BICDL1: variants seen among roughly 807,000 people sequenced by gnomAD.
BICDL1 encodes the protein BICD family-like cargo adapter 1.
Under a neutral mutation model 76.8 loss-of-function variants are expected in BICDL1, and 20 were observed. That is an observed-to-expected ratio of 0.26 (90% CI 0.18 to 0.38). BICDL1 has a LOEUF of 0.38. Ranked by LOEUF, BICDL1 falls within the 10% of genes least tolerant of loss-of-function variation. BICDL1 has a pLI of 1.00. For synonymous variants in BICDL1, 383 were observed against 337.1 expected, an observed-to-expected ratio of 1.14 and a Z score of -1.49; for missense variants, 700 against 798.6, an observed-to-expected ratio of 0.88 and a Z score of 1.49.
At chr12:119,998,155 CA>C (rs977774701) in intron 1 of BICDL1, among the ~76,000 whole-genome samples, 3 of 151,974 alleles carry the variant, frequency 2.0e-5, no homozygotes, top group African/African-American at 7.2e-5. Flanking sequence ...TCAAAAAAAT[CA>C]AAAAGGATTT....
intron 4 of BICDL1, among the ~76,000 whole-genome samples, chr12:120,068,303 CA>C (rs1248326168): frequency 6.6e-6 from 1 of 152,190 alleles, no homozygotes; most frequent in Non-Finnish European, 1.5e-5. Flanking sequence ...ATTTAAATCC[CA>C]AGAAGTTCTC....
At chr12:120,029,859 C>T (rs1292773525) in intron 2 of BICDL1, among the ~76,000 whole-genome samples, 1 of 152,152 alleles carries the variant, frequency 6.6e-6, no homozygotes, top group Non-Finnish European at 1.5e-5. Context: ...ATTGGCCAGG[C>T]AGGCCTCAAA....
At chr12:119,998,800 G>A (rs953572381) in intron 2 of BICDL1, 64 bp downstream of exon 2, 2 of 1,465,722 alleles carry the variant, frequency 1.4e-6, no homozygotes, top group African/African-American at 2.8e-5. Context: ...TGGGCATGGA[G>A]GCTTATGCCT....
At chr12:120,026,599 T>C (rs1189544590) in intron 2 of BICDL1, among the ~76,000 whole-genome samples, 1 of 152,184 alleles carries the variant, frequency 6.6e-6, no homozygotes, top group East Asian at 1.9e-4. Context: ...AAAGTACCTA[T>C]AACAAGGAAA....
intron 2 of BICDL1, among the ~76,000 whole-genome samples, chr12:120,058,904 T>TA (rs1482551727): frequency 1.3e-5 from 2 of 152,034 alleles, no homozygotes; most frequent in African/African-American, 2.4e-5. Context: ...GAAGAAATTT[T>TA]AAGAGTCTCA....
chr12:120,057,193 T>G (rs935344001), intron 2 of BICDL1: 2 of 488,406 alleles, frequency 4.1e-6, no homozygotes, highest in Non-Finnish European at 8.1e-6. Context: ...GACTTGTAAG[T>G]TTGTAGAGAC....
chr12:119,994,470 TG>T (rs1951594374), intron 1 of BICDL1, among the ~76,000 whole-genome samples: 1 of 151,224 alleles, frequency 6.6e-6, no homozygotes. Context: ...TTTTGGGTGG[TG>T]GGGTTTTTTT....
intron 2 of BICDL1, among the ~76,000 whole-genome samples, chr12:120,045,128 C>G (rs72656926): frequency 6.6e-6 from 1 of 152,082 alleles, no homozygotes; most frequent in Non-Finnish European, 1.5e-5. Flanking sequence ...AGACACTTCT[C>G]AAAAGAAGAC....
intron 1 of BICDL1, among the ~76,000 whole-genome samples, chr12:119,995,120 A>C (rs1367122931): frequency 6.6e-6 from 1 of 152,194 alleles, no homozygotes; most frequent in Admixed American, 6.5e-5. Flanking sequence ...TTAACTTTCT[A>C]AAATACTATA....
chr12:120,011,146 T>C (rs1951944851), intron 2 of BICDL1, among the ~76,000 whole-genome samples: 1 of 152,148 alleles, frequency 6.6e-6, no homozygotes, highest in African/African-American at 2.4e-5. Context: ...ACTCGGCTGT[T>C]TTCAACAGGT....
chr12:120,039,071 C>T lies in BICDL1; in HGVS notation c.646-22639C>T, dbSNP rs184418455. Among the ~76,000 whole-genome samples the T allele has an allele frequency of 4.3e-3, 653 of 152,182 alleles. 3 individuals are homozygous for T. Among genetic ancestry groups the T allele is most frequent in the African/African-American group, 0.015 (621 of 41,538 alleles). On this transcript the variant is annotated intron_variant, in intron 2 of 9. Coordinates refer to ENST00000548673, the MANE Select transcript of BICDL1 (RefSeq NM_001367886.1). ...CAGCACTTTGGGAGGCAGAGGCGAG[C>T]GGATCACCTGAGGTCAGGAGTTTGA...
intron 6 of BICDL1, among the ~76,000 whole-genome samples, chr12:120,073,757 A>T: frequency 6.6e-6 from 1 of 152,136 alleles, no homozygotes; most frequent in East Asian, 1.9e-4. Flanking sequence ...TGCCGTATTG[A>T]TCTGTGGGAG....
At chr12:120,062,580 C>T (rs190655048) in intron 3 of BICDL1, among the ~76,000 whole-genome samples, 167 of 152,254 alleles carry the variant, frequency 1.1e-3, no homozygotes, top group African/African-American at 3.6e-3. Flanking sequence ...TCCACTGTGA[C>T]GAAGCGATCT....
chr12:120,054,165 C>G (rs562839202), intron 2 of BICDL1, among the ~76,000 whole-genome samples: 1 of 151,708 alleles, frequency 6.6e-6, no homozygotes, highest in Non-Finnish European at 1.5e-5. Context: ...CTCCACCTCC[C>G]GGGTTCAAGC....
chr12:120,086,414 C>T (rs1030695795), intron 8 of BICDL1, among the ~76,000 whole-genome samples: 1 of 152,182 alleles, frequency 6.6e-6, no homozygotes. Flanking sequence ...CCATCCTGGC[C>T]GCACATTACA....
chr12:120,083,347 CCT>C (rs1874139831), intron 8 of BICDL1, among the ~76,000 whole-genome samples: 2 of 152,098 alleles, frequency 1.3e-5, no homozygotes, highest in African/African-American at 2.4e-5. Context: ...TCTTTGACCT[CCT>C]GGGCTGGAGC....
intron 2 of BICDL1, among the ~76,000 whole-genome samples, chr12:120,024,925 G>A (rs968280482): frequency 6.6e-6 from 1 of 151,674 alleles, no homozygotes; most frequent in Non-Finnish European, 1.5e-5. Context: ...TGATCTTCCC[G>A]CCTTGGCCTC....
At chr12:120,092,302 G>A (rs1190481739) in intron 9 of BICDL1, 23 of 985,332 alleles carry the variant, frequency 2.3e-5, no homozygotes, top group Non-Finnish European at 2.8e-5. Context: ...CCACATGAAC[G>A]AATTCGAGTT....
At chr12:120,058,530 C>G (rs1201673315) in intron 2 of BICDL1, among the ~76,000 whole-genome samples, 2 of 151,994 alleles carry the variant, frequency 1.3e-5, no homozygotes, top group African/African-American at 2.4e-5. Context: ...AGTATATGCA[C>G]TCAAACTGCA....
Sources: gnomAD v4.1 joint callset for allele counts (sites outside exome capture counted in the v4.1 genomes callset) on GRCh38, gnomAD v4.1.1 for gene constraint, MANE v1.5 for transcripts, NCBI Gene and HGNC (gene_info 2026-07-23, HGNC 2026-07-21) for gene names.